Variants in IMMP2L observed in about 807,000 individuals in gnomAD.
The protein encoded by IMMP2L is inner mitochondrial membrane peptidase subunit 2, also known as mitochondrial inner membrane protease subunit 2.
A neutral mutation model predicts 19.3 loss-of-function variants in IMMP2L; 18 were observed. That is an observed-to-expected ratio of 0.93 (90% confidence interval 0.64 to 1.38). The LOEUF is 1.38. IMMP2L is among the 40% of genes most tolerant of loss of function. The pLI, the probability that IMMP2L is intolerant of heterozygous loss-of-function variation, is 0.00. For missense variants in IMMP2L, 233 were observed against 218.2 expected, an observed-to-expected ratio of 1.07 and a Z score of -0.43; for synonymous variants, 76 against 73.0, an observed-to-expected ratio of 1.04 and a Z score of -0.21.
intron 3 of IMMP2L, among the ~76,000 whole-genome samples, chr7:111,272,188 A>C (rs37740): frequency 0.015 from 2,217 of 152,242 alleles, 51 homozygotes; most frequent in African/African-American, 0.05. Context: ...AGCCCTTACT[A>C]TATCTCTTCA....
chr7:111,089,897 A>G (rs1437035103), intron 3 of IMMP2L, among the ~76,000 whole-genome samples: 2 of 151,982 alleles, frequency 1.3e-5, no homozygotes, highest in African/African-American at 4.8e-5. Context: ...AATAACTGCA[A>G]ACTATTGTTC....
At chr7:110,798,384 C>T (rs965264804) in intron 5 of IMMP2L, among the ~76,000 whole-genome samples, 24 of 152,006 alleles carry the variant, frequency 1.6e-4, no homozygotes, top group African/African-American at 4.3e-4. Context: ...AGAAGGGAAG[C>T]TTTTTGAAGG....
intron 3 of IMMP2L, among the ~76,000 whole-genome samples, chr7:111,393,198 C>T (rs893612709): frequency 3.9e-5 from 6 of 152,014 alleles, no homozygotes; most frequent in Admixed American, 3.3e-4. Flanking sequence ...AAAAGATGCT[C>T]TCATCACCCT....
intron 1 of IMMP2L, among the ~76,000 whole-genome samples, chr7:111,539,736 C>T (rs1287039894): frequency 6.6e-6 from 1 of 151,910 alleles, no homozygotes; most frequent in East Asian, 1.9e-4. Flanking sequence ...TTAAAAAACA[C>T]TGCCTTAAAG....
chr7:111,082,900 T>C (rs1796005526), intron 3 of IMMP2L, among the ~76,000 whole-genome samples: 1 of 151,912 alleles, frequency 6.6e-6, no homozygotes, highest in Non-Finnish European at 1.5e-5. Context: ...TTTTGTTTGA[T>C]TGTATTTTAC....
chr7:111,350,401 T>C (rs1465710481), intron 3 of IMMP2L, among the ~76,000 whole-genome samples: 1 of 151,622 alleles, frequency 6.6e-6, no homozygotes, highest in African/African-American at 2.4e-5. Flanking sequence ...TAAATATTAG[T>C]GTATATTATT....
chr7:110,931,781 T>C (rs1404722797), intron 4 of IMMP2L, among the ~76,000 whole-genome samples: 1 of 152,104 alleles, frequency 6.6e-6, no homozygotes, highest in African/African-American at 2.4e-5. Flanking sequence ...GGTCTAGAAT[T>C]TACATAGTCT....
At chr7:111,218,792 G>C (rs1421370508) in intron 3 of IMMP2L, among the ~76,000 whole-genome samples, 2 of 152,006 alleles carry the variant, frequency 1.3e-5, no homozygotes, top group African/African-American at 4.8e-5. Context: ...GACATCAGTG[G>C]AAATTACTTT....
intron 5 of IMMP2L, among the ~76,000 whole-genome samples, chr7:110,768,003 G>T (rs1387559470): frequency 6.6e-6 from 1 of 152,154 alleles, no homozygotes; most frequent in East Asian, 1.9e-4. Context: ...CAGTAAACTA[G>T]TGTGCAAAAT....
At chr7:111,466,982 G>A (rs544232836) in intron 3 of IMMP2L, among the ~76,000 whole-genome samples, 5 of 152,246 alleles carry the variant, frequency 3.3e-5, no homozygotes, top group African/African-American at 9.6e-5. Flanking sequence ...GAGAGGTCCT[G>A]GAACCAATTC....
intron 5 of IMMP2L, among the ~76,000 whole-genome samples, chr7:110,793,124 T>C (rs1800585006): frequency 6.6e-6 from 1 of 152,038 alleles, no homozygotes; most frequent in African/African-American, 2.4e-5. Flanking sequence ...AAATCACCCC[T>C]GAAGAACTTA....
At chr7:111,164,287 G>T (rs373049508) in intron 3 of IMMP2L, among the ~76,000 whole-genome samples, 1 of 152,094 alleles carries the variant, frequency 6.6e-6, no homozygotes, top group African/African-American at 2.4e-5. Context: ...TGCAGGGAGT[G>T]CTGACAACAA....
intron 5 of IMMP2L, among the ~76,000 whole-genome samples, chr7:110,845,141 C>G (rs780175022): frequency 4.6e-5 from 7 of 152,172 alleles, no homozygotes; most frequent in Non-Finnish European, 8.8e-5. Flanking sequence ...TTCCTTTCCC[C>G]TTTCACCTTC....
intron 3 of IMMP2L, among the ~76,000 whole-genome samples, chr7:111,350,187 C>T (rs1172867235): frequency 1.3e-5 from 2 of 151,724 alleles, no homozygotes; most frequent in South Asian, 2.1e-4. Context: ...AGGCTGGTCT[C>T]GAAATCCTGA....
At chr7:110,690,542 T>C (rs2130537004) in intron 5 of IMMP2L, among the ~76,000 whole-genome samples, 1 of 152,266 alleles carries the variant, frequency 6.6e-6, no homozygotes, top group East Asian at 1.9e-4. Context: ...GATATGATCA[T>C]ATACCTAGAA....
intron 3 of IMMP2L, among the ~76,000 whole-genome samples, chr7:111,132,991 C>T (rs1237793636): frequency 1.3e-5 from 2 of 152,046 alleles, no homozygotes; most frequent in African/African-American, 4.8e-5. Context: ...ATGATATGGC[C>T]AAGCTTAGTT....
At position 110,773,555 on chromosome 7, in the gene IMMP2L, A is replaced by G. The variant is rs548029857; in HGVS notation, c.409-109834T>C. ...CTCTGGCCAAACACCGTCTGGCAAC[A>G]TATGAGTATAGCTATAGGAACAATT... is the stretch of plus-strand genomic sequence containing the variant. On this transcript the variant is annotated intron_variant, in intron 5 of 5. Coordinates refer to ENST00000405709, the MANE Select transcript of IMMP2L (RefSeq NM_032549.4). Among the ~76,000 whole-genome samples the G allele has an allele frequency of 8.3e-4, 127 of 152,284 alleles. 2 individuals carry two copies. In the South Asian group the frequency reaches 0.013, roughly 15 times the overall value.
intron 3 of IMMP2L, among the ~76,000 whole-genome samples, chr7:111,365,437 A>C (rs1829676662): frequency 6.6e-6 from 1 of 152,140 alleles, no homozygotes; most frequent in South Asian, 2.1e-4. Flanking sequence ...GCAGCTATTG[A>C]ATTTCCTACA....
At chr7:111,531,285 T>C (rs2132805072) in intron 1 of IMMP2L, among the ~76,000 whole-genome samples, 1 of 151,852 alleles carries the variant, frequency 6.6e-6, no homozygotes, top group Admixed American at 6.6e-5. Flanking sequence ...TTTAGTTGTT[T>C]TCTTTTTTTT....
Sources: allele counts gnomAD v4.1 joint callset (sites outside exome capture counted in the v4.1 genomes callset), GRCh38; gene constraint gnomAD v4.1.1; transcripts MANE v1.5; gene names NCBI Gene and HGNC (gene_info 2026-07-23, HGNC 2026-07-21).